PDE3B: variants seen among roughly 807,000 people sequenced by gnomAD.
PDE3B encodes phosphodiesterase 3B.
PDE3B carries 66 observed loss-of-function variants against 116.8 expected under a neutral mutation model. The observed-to-expected ratio is 0.56, with a 90% CI of 0.46 to 0.69. The LOEUF is 0.69. Among genes scored for constraint, PDE3B ranks in the 30% least tolerant of loss-of-function variants. The pLI is 0.00. For missense variants in PDE3B, 1,384 were observed against 1,368.1 expected (o/e 1.01, Z -0.18); for synonymous variants, 595 against 533.6 (o/e 1.12, Z -1.59).
chr11:14,891,886 C>A, the PDE3B span: 2 of 1,464,498 alleles, frequency 1.4e-6, no homozygotes, highest in Non-Finnish European at 1.8e-6. Context: ...CCCGACTAGT[C>A]GGCCCAGGGG....
intron 5 of PDE3B, among the ~76,000 whole-genome samples, chr11:14,814,075 A>C (rs778249310): frequency 2.0e-5 from 3 of 152,190 alleles, no homozygotes; most frequent in Non-Finnish European, 4.4e-5. Flanking sequence ...GATAATTATG[A>C]TAAAAAATTA....
At chr11:14,725,465 C>T (rs1856273865) in intron 1 of PDE3B, among the ~76,000 whole-genome samples, 1 of 84,450 alleles carries the variant, frequency 1.2e-5, no homozygotes, top group African/African-American at 4.9e-5. Context: ...CTCCTTTCCT[C>T]CCTCTGTCCC....
In PDE3B at chr11:14,737,203, T is replaced by C. The variant is rs1053336150; in HGVS notation, c.979-34734T>C. 3.3e-5 allele frequency among the ~76,000 whole-genome samples: 5 copies of C among 151,374 alleles called. No individual in the cohort carries two copies. In the South Asian group the frequency reaches 8.4e-4, roughly 25 times the overall value. On this transcript the variant is annotated intron_variant, in intron 1 of 15. Transcript: ENST00000282096. Reference sequence around the variant, plus strand: ...AGAGACCAACAGGCTGCCTTCTTTTTTTTTTTTTGAGATGGAATCTCGCTC... The same window carrying C: ...AGAGACCAACAGGCTGCCTTCTTTTCTTTTTTTTGAGATGGAATCTCGCTC...
chr11:14,673,223 C>T (rs2133783815), intron 1 of PDE3B, among the ~76,000 whole-genome samples: 1 of 151,146 alleles, frequency 6.6e-6, no homozygotes, highest in African/African-American at 2.4e-5. Context: ...TGAATTGAAC[C>T]TTTGGCACTA....
At chr11:14,845,509 GAGA>G (rs1323284341) in intron 12 of PDE3B, among the ~76,000 whole-genome samples, 1 of 152,214 alleles carries the variant, frequency 6.6e-6, no homozygotes, top group Non-Finnish European at 1.5e-5. Flanking sequence ...GACGAGTTGA[GAGA>G]AGAAGGCTTC....
chr11:14,673,973 A>G (rs761916233), intron 1 of PDE3B: 10 of 1,358,730 alleles, frequency 7.4e-6, no homozygotes, highest in African/African-American at 1.4e-5. Context: ...CGTAATCCTC[A>G]AGAATGGAAT....
intron 7 of PDE3B, among the ~76,000 whole-genome samples, chr11:14,828,523 A>ATTG (rs1565155115): frequency 1.3e-5 from 2 of 152,238 alleles, no homozygotes; most frequent in African/African-American, 4.8e-5. Flanking sequence ...AATTTGCAAA[A>ATTG]GAAGACATAC....
intron 1 of PDE3B, among the ~76,000 whole-genome samples, chr11:14,771,658 G>T (rs1198353523): frequency 1.3e-5 from 2 of 151,634 alleles, no homozygotes. Flanking sequence ...GACTTAATGT[G>T]ATTATGGATT....
chr11:14,860,365 C>T (rs1323275871), intron 13 of PDE3B, among the ~76,000 whole-genome samples: 2 of 151,508 alleles, frequency 1.3e-5, no homozygotes, highest in African/African-American at 4.9e-5. Context: ...TGGTGGTGTT[C>T]TACATATATA....
At chr11:14,726,929 G>A (rs1250454725) in intron 1 of PDE3B, among the ~76,000 whole-genome samples, 1 of 152,066 alleles carries the variant, frequency 6.6e-6, no homozygotes, top group East Asian at 1.9e-4. Context: ...AATCAAGGAA[G>A]GACTTAAGTA....
At chr11:14,757,137 A>C (rs1590119009) in intron 1 of PDE3B, among the ~76,000 whole-genome samples, 1 of 151,824 alleles carries the variant, frequency 6.6e-6, no homozygotes, top group Non-Finnish European at 1.5e-5. Context: ...CGAACTCATC[A>C]TTTTTTATGG....
intron 12 of PDE3B, among the ~76,000 whole-genome samples, chr11:14,846,473 A>G (rs1590190041): frequency 6.6e-6 from 1 of 152,230 alleles, no homozygotes. Context: ...TGACAGGATC[A>G]AATTCACACA....
chr11:14,723,766 A>C (rs1326260658), intron 1 of PDE3B, among the ~76,000 whole-genome samples: 17 of 152,240 alleles, frequency 1.1e-4, no homozygotes, highest in Non-Finnish European at 2.1e-4. Flanking sequence ...CATCTCAAAA[A>C]AAAAAACAAA....
intron 1 of PDE3B, among the ~76,000 whole-genome samples, chr11:14,688,993 G>A (rs911404795): frequency 3.3e-5 from 5 of 152,122 alleles, no homozygotes; most frequent in South Asian, 2.1e-4. Flanking sequence ...GGCTGGTCTC[G>A]AACTCCTGAC....
At chr11:14,775,646 T>A (rs1415260924) in intron 2 of PDE3B, 1 of 152,400 alleles carries the variant, frequency 6.6e-6, no homozygotes, top group African/African-American at 2.4e-5. Flanking sequence ...CAAGCGATTC[T>A]CCTGCCTCAG....
At chr11:14,751,748 A>C (rs1328793518) in intron 1 of PDE3B, among the ~76,000 whole-genome samples, 2 of 152,198 alleles carry the variant, frequency 1.3e-5, no homozygotes, top group Admixed American at 6.5e-5. Context: ...CATCCTGAAA[A>C]GTGTTCAGAA....
chr11:14,660,814 A>C (rs532903555), intron 1 of PDE3B, among the ~76,000 whole-genome samples: 2 of 152,326 alleles, frequency 1.3e-5, no homozygotes, highest in East Asian at 3.9e-4. Context: ...ATTTACATTT[A>C]AATAGCAAGA....
chr11:14,867,952 A>C (rs1848078149), intron 15 of PDE3B, among the ~76,000 whole-genome samples, 194 bp downstream of exon 15: 2 of 152,234 alleles, frequency 1.3e-5, no homozygotes, highest in Admixed American at 1.3e-4. Context: ...CAAATATTCC[A>C]AAATCAGAAA....
At chr11:14,819,932 G>A (rs977505060) in intron 7 of PDE3B, among the ~76,000 whole-genome samples, 1 of 152,006 alleles carries the variant, frequency 6.6e-6, no homozygotes, top group African/African-American at 2.4e-5. Flanking sequence ...AGCTTCATGG[G>A]GCTAGGAAGA....
Sources: allele counts gnomAD v4.1 joint callset (sites outside exome capture counted in the v4.1 genomes callset), GRCh38; gene constraint gnomAD v4.1.1; transcripts MANE v1.5; gene names NCBI Gene and HGNC (gene_info 2026-07-23, HGNC 2026-07-21).